FAM228A: variants seen among roughly 807,000 people sequenced by gnomAD.
The protein encoded by FAM228A is protein FAM228A.
FAM228A carries 13 observed loss-of-function variants against 18.6 expected under a neutral mutation model. The ratio of observed to expected loss-of-function variants is 0.70; its 90% CI spans 0.45 to 1.11. FAM228A has a LOEUF of 1.11. FAM228A is among the 50% of genes least tolerant of loss of function. The probability of loss-of-function intolerance (pLI) is 0.00; values close to 1 mark genes in which losing one functional copy is unlikely to be tolerated. For missense variants in FAM228A, 240 were observed against 242.2 expected (o/e 0.99, Z 0.06); for synonymous variants, 77 against 86.6 (o/e 0.89, Z 0.61).
At chr2:24,177,523 T>C (rs1346682248) in intron 2 of FAM228A, among the ~76,000 whole-genome samples, 1 of 139,136 alleles carries the variant, frequency 7.2e-6, no homozygotes, top group African/African-American at 2.6e-5. Context: ...AAACGTAATT[T>C]AATAATATGC....
At chr2:24,185,969 T>G (rs1452651069) in intron 5 of FAM228A, among the ~76,000 whole-genome samples, 1 of 152,218 alleles carries the variant, frequency 6.6e-6, no homozygotes, top group Non-Finnish European at 1.5e-5. Flanking sequence ...TTGCTAAACT[T>G]TATTATGAAT....
Position 24,191,054 on chromosome 2 carries a change from C to G in FAM228A, c.*423C>G. The G allele has an allele frequency of 1.0e-6, 1 of 990,800 alleles. No homozygotes were observed. Among genetic ancestry groups the G allele is most frequent in the Middle Eastern group, 5.2e-4 (1 of 1,940 alleles). The allele number at this position is 990,800 out of a possible 1,614,324, so 61.4% of individuals were successfully genotyped here. On this transcript the variant is annotated 3_prime_UTR_variant, in exon 6 of 6. Coordinates refer to ENST00000295150, the MANE Select transcript of FAM228A (RefSeq NM_001040710.3). The stretch of plus-strand genomic sequence containing the variant: ...TGAAATTTATACCAAAAAATTAGGG[C>G]AAGATGAGATTTTTTGATATTTAAA...
chr2:24,176,097 C>A, intron 2 of FAM228A: 2 of 985,350 alleles, frequency 2.0e-6, no homozygotes, highest in Non-Finnish European at 2.4e-6. Flanking sequence ...CTGGCAAAAT[C>A]ACAAAGAAGA....
chr2:24,175,189 G>A lies in FAM228A; in HGVS notation c.-15+15G>A. 1 of 358,406 alleles carries A rather than the reference G, an allele frequency of 2.8e-6. No individual in the cohort carries two copies. The highest frequency in any genetic ancestry group is 5.1e-6 in the Non-Finnish European group (1 of 194,770). 22.2% of individuals were successfully genotyped at this position (358,406 alleles called of 1,614,324 possible). A position where few individuals can be genotyped will look rare whatever the true frequency, so the allele number is the denominator to read the frequency against. On this transcript the variant is annotated intron_variant, in intron 1 of 5. Coordinates refer to ENST00000295150, the MANE Select transcript of FAM228A (RefSeq NM_001040710.3). The stretch of plus-strand genomic sequence containing the variant: ...GCTGGCCTGAGGTGGGGCCCGGGGA[G>A]GCCTACGGGCCTGGGGGTCGCGGAG...
At chr2:24,184,881 G>A (rs1667907718) in intron 5 of FAM228A, among the ~76,000 whole-genome samples, 1 of 148,826 alleles carries the variant, frequency 6.7e-6, no homozygotes, top group Admixed American at 6.7e-5. Flanking sequence ...GGAGTACAGT[G>A]GCACAATCTT....
At position 24,183,625 on chromosome 2, in the gene FAM228A, G is replaced by T; in HGVS notation, c.381G>T (p.Arg127Ser). The T allele has an allele frequency of 1.2e-6, 2 of 1,604,244 alleles. No individual in the cohort carries two copies. Among genetic ancestry groups the T allele is most frequent in the Non-Finnish European group, 1.7e-6 (2 of 1,176,740 alleles). The change falls in exon 5 of 6, where the codon AGG becomes AGT. Residue 127 changes from arginine to serine, a missense_variant. Physicochemically the swap from Arg to Ser is moderately radical, Grantham distance 110 (BLOSUM62 -1). Transcript: ENST00000295150. Reference sequence around the variant, plus strand: ...GGCATAAAGCCTCTGCAAGAGCCAGGAGTAAAACTTACAAATACAGGTACA... The same window carrying T: ...GGCATAAAGCCTCTGCAAGAGCCAGTAGTAAAACTTACAAATACAGGTACA... ...KEWHKASARA[R>S]SKTYKYSPEK... is the part of the protein sequence containing the mutation.
rs533656546 is a variant in FAM228A, at chr2:24,175,796, G to A, written c.93+223G>A. ...GGCGCACCGACGGGGGCGGGCAGCC[G>A]GGCGGGTGAAGGCAGCCACCCCAGC... is the stretch of plus-strand genomic sequence containing the variant. On this transcript the variant is annotated intron_variant, in intron 2 of 5. Coordinates refer to ENST00000295150, the MANE Select transcript of FAM228A (RefSeq NM_001040710.3). 6.6e-6 allele frequency: 6 copies of A among 903,568 alleles called. No individual in the cohort carries two copies. In the Admixed American group the frequency reaches 9.8e-5, roughly 15 times the overall value. The allele number at this position is 903,568 out of a possible 1,614,324, so 56.0% of individuals were successfully genotyped here.
At chr2:24,190,145 CA>C (rs1199532803) in intron 5 of FAM228A, among the ~76,000 whole-genome samples, 4 of 152,262 alleles carry the variant, frequency 2.6e-5, no homozygotes, top group Admixed American at 6.5e-5. Flanking sequence ...CCCTTTGTCC[CA>C]ACTACAGCCA....
intron 5 of FAM228A, among the ~76,000 whole-genome samples, chr2:24,186,867 C>G (rs767905477): frequency 2.6e-5 from 4 of 152,130 alleles, no homozygotes; most frequent in Non-Finnish European, 4.4e-5. Flanking sequence ...AACTCCTGAC[C>G]TCAAGTGATC....
chr2:24,188,838 C>T (rs1668015668), intron 5 of FAM228A, among the ~76,000 whole-genome samples: 1 of 152,126 alleles, frequency 6.6e-6, no homozygotes, highest in African/African-American at 2.4e-5. Context: ...TTAGCCTGTG[C>T]AGACTTCTAT....
In FAM228A at chr2:24,175,507, T is replaced by C. The variant is rs756074297; in HGVS notation, c.27T>C (p.Tyr9=). The part of the protein sequence containing the change: MAATKTAS[Y]DEHFRPEKLR... The stretch of plus-strand genomic sequence containing the variant: ...TGGCTGCCACCAAAACTGCGAGTTA[T>C]GATGAACATTTCAGGCCAGAAAAGT... The change falls in exon 2 of 6, where the codon TAT becomes TAC. Residue 9 remains tyrosine (Y), a synonymous_variant. Coordinates refer to ENST00000295150, the MANE Select transcript of FAM228A (RefSeq NM_001040710.3). 261 of 1,614,084 alleles carry C rather than the reference T, an allele frequency of 1.6e-4. 2 individuals are homozygous for C. The highest frequency in any genetic ancestry group is 1.5e-3 in the Middle Eastern group (9 of 6,084).
chr2:24,178,166 C>G (rs1667734769), intron 3 of FAM228A, among the ~76,000 whole-genome samples: 1 of 152,206 alleles, frequency 6.6e-6, no homozygotes, highest in African/African-American at 2.4e-5. Context: ...CCTACTCACA[C>G]TTGCCTCTTT....
chr2:24,186,269 G>C (rs1247752992), intron 5 of FAM228A, among the ~76,000 whole-genome samples: 1 of 152,040 alleles, frequency 6.6e-6, no homozygotes, highest in Non-Finnish European at 1.5e-5. Flanking sequence ...CAAAGTACTG[G>C]GATTACAGGT....
chr2:24,176,830 A>G (rs969832593), intron 2 of FAM228A, among the ~76,000 whole-genome samples: 1 of 152,182 alleles, frequency 6.6e-6, no homozygotes, highest in African/African-American at 2.4e-5. Context: ...TAATGTAACA[A>G]TTTATCTCTT....
Position 24,191,311 on chromosome 2 carries a change from A to G in FAM228A, c.*680A>G. On this transcript the variant is annotated 3_prime_UTR_variant, in exon 6 of 6. Coordinates refer to ENST00000295150, the MANE Select transcript of FAM228A (RefSeq NM_001040710.3). ...CACTCCCACCCTCACCACCACACAC[A>G]CAGGATGGGGGACTGCTGCTGCTTT... The G allele has an allele frequency of 4.1e-6, 4 of 985,516 alleles. No individual in the cohort carries two copies. The highest frequency in any genetic ancestry group is 4.8e-6 in the Non-Finnish European group (4 of 830,102). The allele number at this position is 985,516 out of a possible 1,614,324, so 61.0% of individuals were successfully genotyped here. A position where few individuals can be genotyped will look rare whatever the true frequency, so the allele number is the denominator to read the frequency against.
In FAM228A at chr2:24,191,537, AC is replaced by A. The variant is rs1668085727; in HGVS notation, c.*907del. On this transcript the variant is annotated 3_prime_UTR_variant, in exon 6 of 6. Coordinates refer to ENST00000295150, the MANE Select transcript of FAM228A (RefSeq NM_001040710.3). The stretch of plus-strand genomic sequence containing the variant: ...TGTATTTTTCAAATATTCAAGATGT[AC>A]AACGTGATGATTTGCTATAGGTATT... 2 of 969,804 alleles carry A rather than the reference AC, an allele frequency of 2.1e-6. No individual in the cohort carries two copies. The highest frequency in any genetic ancestry group is 1.2e-4 in the Admixed American group (2 of 16,248). The allele number at this position is 969,804 out of a possible 1,614,324, so 60.1% of individuals were successfully genotyped here. A position where few individuals can be genotyped will look rare whatever the true frequency, so the allele number is the denominator to read the frequency against.
intron 1 of FAM228A, 126 bp from the exon 2 acceptor site, chr2:24,175,341 T>A: frequency 4.2e-6 from 3 of 709,002 alleles, no homozygotes; most frequent in Non-Finnish European, 4.9e-6. Context: ...GATCCCAGTT[T>A]GTTGGGTGAC....
intron 3 of FAM228A, among the ~76,000 whole-genome samples, chr2:24,179,847 A>G (rs1169177190): frequency 1.3e-5 from 2 of 152,164 alleles, no homozygotes; most frequent in African/African-American, 2.4e-5. Flanking sequence ...GGACTGGGTC[A>G]TGAAGCAAGT....
intron 3 of FAM228A, chr2:24,179,162 G>A: frequency 8.5e-7 from 1 of 1,174,462 alleles, no homozygotes; most frequent in Non-Finnish European, 1.1e-6. Flanking sequence ...AAGAAGAAAA[G>A]AGATGTTACA....
Sources: allele counts gnomAD v4.1 joint callset (sites outside exome capture counted in the v4.1 genomes callset), GRCh38; gene constraint gnomAD v4.1.1; transcripts MANE v1.5; gene names NCBI Gene and HGNC (gene_info 2026-07-23, HGNC 2026-07-21).